Variants in ALK observed in about 807,000 individuals in gnomAD.
ALK encodes ALK tyrosine kinase receptor.
Under a neutral mutation model 163.1 loss-of-function variants are expected in ALK, and 74 were observed. That is an observed-to-expected ratio of 0.45 (90% CI 0.38 to 0.55). The LOEUF (loss-of-function observed/expected upper bound fraction) is 0.55. Among genes scored for constraint, ALK ranks in the 20% least tolerant of loss-of-function variants. The pLI is 0.00. For synonymous variants in ALK, 960 were observed against 843.2 expected, an observed-to-expected ratio of 1.14 and a Z score of -2.40; for missense variants, 2,063 against 2,105.3, an observed-to-expected ratio of 0.98 and a Z score of 0.39.
intron 4 of ALK, among the ~76,000 whole-genome samples, chr2:29,472,913 T>C (rs1671381617): frequency 1.3e-5 from 2 of 152,252 alleles, no homozygotes; most frequent in Admixed American, 6.5e-5. Context: ...AGACTCACTA[T>C]AGTTAGAATG....
chr2:29,449,863 G>C (rs1670778433), intron 4 of ALK, among the ~76,000 whole-genome samples: 1 of 152,196 alleles, frequency 6.6e-6, no homozygotes, highest in African/African-American at 2.4e-5. Flanking sequence ...TGTGAAATTG[G>C]AGGAAAGGTC....
At chr2:29,887,521 T>A (rs984527978) in intron 1 of ALK, among the ~76,000 whole-genome samples, 4 of 152,142 alleles carry the variant, frequency 2.6e-5, no homozygotes, top group Non-Finnish European at 5.9e-5. Flanking sequence ...CTGCCTAGAT[T>A]CAAGGGGAGG....
intron 4 of ALK, among the ~76,000 whole-genome samples, chr2:29,419,465 G>A (rs1403177989): frequency 1.3e-5 from 2 of 151,448 alleles, no homozygotes; most frequent in African/African-American, 4.9e-5. Context: ...ACAGAGATGG[G>A]AGGTGAGGTC....
chr2:29,445,866 G>A (rs912676147), intron 4 of ALK, among the ~76,000 whole-genome samples: 9 of 151,566 alleles, frequency 5.9e-5, no homozygotes, highest in East Asian at 1.9e-4. Flanking sequence ...TTGGGAGGCC[G>A]AGGCGGGCGG....
intron 8 of ALK, 93 bp downstream of exon 8, chr2:29,318,211 C>T: frequency 1.9e-6 from 2 of 1,068,630 alleles, no homozygotes; most frequent in Non-Finnish European, 2.9e-6. Flanking sequence ...GAACGACCAG[C>T]CCAGCCAGCT....
chr2:29,906,008 C>T (rs1667537515), intron 1 of ALK, among the ~76,000 whole-genome samples: 1 of 152,170 alleles, frequency 6.6e-6, no homozygotes, highest in African/African-American at 2.4e-5. Flanking sequence ...CAGTTCTGCC[C>T]ATGCCTACCG....
rs2148197732 is a variant in ALK, at chr2:29,251,273, G to A, written c.2042-6C>T. On this transcript the variant is annotated splice_polypyrimidine_tract_variant and splice_region_variant and intron_variant, in intron 11 of 28. Transcript: ENST00000389048. The stretch of plus-strand genomic sequence containing the variant: ...TGTGGTGAACAGCCAATGAACTGTG[G>A]CACAAGAGGAGAGGCAGTCACTCAT... 1 of 1,612,656 alleles carries A rather than the reference G, an allele frequency of 6.2e-7. No individual in the cohort carries two copies. The highest frequency in any genetic ancestry group is 8.5e-7 in the Non-Finnish European group (1 of 1,179,542).
chr2:29,891,376 G>A (rs1255040420), intron 1 of ALK, among the ~76,000 whole-genome samples: 1 of 152,146 alleles, frequency 6.6e-6, no homozygotes, highest in Admixed American at 6.5e-5. Flanking sequence ...GATGCCGGGT[G>A]ACAATCTCTA....
chr2:29,242,136 G>C (rs1211110853), intron 12 of ALK, among the ~76,000 whole-genome samples: 1 of 152,218 alleles, frequency 6.6e-6, no homozygotes, highest in Non-Finnish European at 1.5e-5. Flanking sequence ...CAGTGAACCT[G>C]GGCAGGGGAC....
At chr2:29,214,333 G>A (rs755023962) in intron 23 of ALK, among the ~76,000 whole-genome samples, 1 of 152,168 alleles carries the variant, frequency 6.6e-6, no homozygotes, top group African/African-American at 2.4e-5. Context: ...GTAATATGAT[G>A]CCAGCGTGCA....
chr2:29,605,525 T>C (rs1675519231), intron 3 of ALK, among the ~76,000 whole-genome samples: 1 of 152,166 alleles, frequency 6.6e-6, no homozygotes, highest in African/African-American at 2.4e-5. Context: ...ATGACTTAGA[T>C]GAAGTCACGA....
intron 3 of ALK, among the ~76,000 whole-genome samples, chr2:29,645,499 C>T (rs1463357442): frequency 6.6e-6 from 1 of 152,128 alleles, no homozygotes; most frequent in Non-Finnish European, 1.5e-5. Context: ...ATAAAGCGTA[C>T]TCCATTAGAA....
intron 4 of ALK, among the ~76,000 whole-genome samples, chr2:29,398,748 G>A (rs919342446): frequency 1.3e-5 from 2 of 152,108 alleles, no homozygotes; most frequent in African/African-American, 4.8e-5. Context: ...GGAATAGACC[G>A]TGACAAAGGC....
intron 1 of ALK, among the ~76,000 whole-genome samples, chr2:29,748,017 T>C (rs1680251549): frequency 6.6e-6 from 1 of 152,320 alleles, no homozygotes; most frequent in Admixed American, 6.5e-5. Flanking sequence ...CTGAGCTAGG[T>C]ATCATCTAAG....
At chr2:29,479,386 C>T (rs1315234726) in intron 4 of ALK, among the ~76,000 whole-genome samples, 1 of 152,206 alleles carries the variant, frequency 6.6e-6, no homozygotes, top group African/African-American at 2.4e-5. Context: ...CGCTTGAACA[C>T]ACAGGCCTGA....
rs757615099 is a variant in ALK at position 29,193,877 on chromosome 2, G to A, written c.4210C>T (p.Leu1404Phe). 7 of 1,614,120 alleles carry A rather than the reference G, an allele frequency of 4.3e-6. No individual in the cohort carries two copies. Among genetic ancestry groups the A allele is most frequent in the Non-Finnish European group, 5.9e-6 (7 of 1,180,014 alleles). ...GGCACTTTCTCTTCCTCTTCCACAA[G>A]TGGACCATATTCTATCGGCAAAGCG... ...NTALPIEYGP[L>F]VEEEEKVPVR... Residue 1404 changes from leucine (L) to phenylalanine (F), a missense_variant, in exon 29 of 29, where the codon CTT becomes TTT. Leu to Phe is a conservative substitution (Grantham distance 22). Coordinates refer to ENST00000389048, the MANE Select transcript of ALK (RefSeq NM_004304.5).
At chr2:29,195,865 A>C (rs1373281144) in intron 28 of ALK, among the ~76,000 whole-genome samples, 5 of 152,244 alleles carry the variant, frequency 3.3e-5, no homozygotes, top group African/African-American at 4.8e-5. Context: ...ATCGGACAGA[A>C]CAAAGCCCTG....
intron 1 of ALK, among the ~76,000 whole-genome samples, chr2:29,725,191 G>T (rs911657868): frequency 8.0e-6 from 1 of 124,584 alleles, no homozygotes; most frequent in Admixed American, 8.3e-5. Context: ...CAAAGAGGTT[G>T]CTCCAGAATG....
At chr2:29,696,835 T>C (rs557097988) in intron 2 of ALK, among the ~76,000 whole-genome samples, 2 of 151,748 alleles carry the variant, frequency 1.3e-5, no homozygotes, top group African/African-American at 4.8e-5. Flanking sequence ...TTCCCCAGCT[T>C]CCCACTGCTC....
Sources: allele counts gnomAD v4.1 joint callset (sites outside exome capture counted in the v4.1 genomes callset), GRCh38; gene constraint gnomAD v4.1.1; transcripts MANE v1.5; gene names NCBI Gene and HGNC (gene_info 2026-07-23, HGNC 2026-07-21).